The following FOXO3 variants were observed in gnomAD, a reference collection of about 807,000 sequenced individuals.
The protein encoded by FOXO3 is forkhead box protein O3.
FOXO3 carries 4 observed loss-of-function variants against 41.9 expected under a neutral mutation model. The observed-to-expected ratio is 0.10, with a 90% CI of 0.05 to 0.22. The LOEUF (loss-of-function observed/expected upper bound fraction) is 0.22. FOXO3 is among the 10% of genes least tolerant of loss of function. FOXO3 has a pLI of 1.00. For missense variants in FOXO3, 534 were observed against 906.8 expected, an observed-to-expected ratio of 0.59 and a Z score of 5.28; for synonymous variants, 318 against 389.3, an observed-to-expected ratio of 0.82 and a Z score of 2.16.
chr6:108,574,018 TG>T (rs1460356620), intron 1 of FOXO3, among the ~76,000 whole-genome samples: 6 of 151,896 alleles, frequency 4.0e-5, no homozygotes, highest in Non-Finnish European at 8.8e-5. Context: ...CTGGGCGTGG[TG>T]GCACATGCCT....
intron 1 of FOXO3, among the ~76,000 whole-genome samples, chr6:108,599,492 C>T (rs188172734): frequency 7.3e-4 from 111 of 152,340 alleles, no homozygotes; most frequent in Non-Finnish European, 1.3e-3. Flanking sequence ...AATGACCCCT[C>T]ACTTAGTATG....
intron 1 of FOXO3, among the ~76,000 whole-genome samples, chr6:108,574,848 T>C (rs908779131): frequency 6.6e-6 from 1 of 152,188 alleles, no homozygotes; most frequent in African/African-American, 2.4e-5. Context: ...TGGAAAAAAA[T>C]TACAGAACTC....
intron 1 of FOXO3, among the ~76,000 whole-genome samples, chr6:108,569,053 T>C (rs1204375616): frequency 6.6e-6 from 1 of 152,240 alleles, no homozygotes; most frequent in Non-Finnish European, 1.5e-5. Flanking sequence ...TTACTCACTT[T>C]TAGGAACAAA....
intron 2 of FOXO3, among the ~76,000 whole-genome samples, chr6:108,676,656 A>G (rs1313004292): frequency 6.6e-6 from 1 of 152,262 alleles, no homozygotes; most frequent in Non-Finnish European, 1.5e-5. Flanking sequence ...TAAGAATGAC[A>G]TGAGCTTTCT....
chr6:108,599,143 C>A (rs1009693251), intron 1 of FOXO3, among the ~76,000 whole-genome samples: 4 of 152,152 alleles, frequency 2.6e-5, no homozygotes, highest in African/African-American at 9.7e-5. Context: ...CTTCCTTTCA[C>A]TCTGTTATTA....
chr6:108,645,962 A>T (rs1427327718), intron 1 of FOXO3, among the ~76,000 whole-genome samples: 1 of 152,226 alleles, frequency 6.6e-6, no homozygotes, highest in East Asian at 1.9e-4. Context: ...AGGTAGGATT[A>T]GGTTTGGCTA....
At chr6:108,585,963 C>T (rs1776569902) in intron 1 of FOXO3, among the ~76,000 whole-genome samples, 1 of 152,180 alleles carries the variant, frequency 6.6e-6, no homozygotes, top group African/African-American at 2.4e-5. Context: ...CTAAGGTCGG[C>T]TTCTACCACA....
intron 1 of FOXO3, among the ~76,000 whole-genome samples, chr6:108,634,684 G>A (rs1778070445): frequency 6.6e-6 from 1 of 152,130 alleles, no homozygotes. Context: ...AGGGGAATGA[G>A]TGGGTAGGGG....
chr6:108,601,149 A>G (rs1251735506), intron 1 of FOXO3, among the ~76,000 whole-genome samples: 2 of 151,766 alleles, frequency 1.3e-5, no homozygotes, highest in Non-Finnish European at 2.9e-5. Flanking sequence ...GTGGGACTAC[A>G]GGCACCTGCC....
intron 1 of FOXO3, among the ~76,000 whole-genome samples, chr6:108,596,627 A>G (rs1776895039): frequency 6.6e-6 from 1 of 152,202 alleles, no homozygotes; most frequent in Non-Finnish European, 1.5e-5. Context: ...TGGAAGGTAA[A>G]TAAATGTGTA....
intron 1 of FOXO3, among the ~76,000 whole-genome samples, chr6:108,606,569 C>T (rs1242857192): frequency 1.3e-5 from 2 of 152,168 alleles, no homozygotes; most frequent in African/African-American, 2.4e-5. Context: ...GGCTTATCTA[C>T]AGGAGACTGC....
chr6:108,595,113 C>T (rs1486189988), intron 1 of FOXO3, among the ~76,000 whole-genome samples: 3 of 152,182 alleles, frequency 2.0e-5, no homozygotes, highest in Non-Finnish European at 2.9e-5. Context: ...GACTTCTACT[C>T]TTTCTGCTCC....
intron 2 of FOXO3, among the ~76,000 whole-genome samples, chr6:108,675,077 C>T (rs1237181795): frequency 1.1e-4 from 16 of 152,052 alleles, no homozygotes; most frequent in Admixed American, 9.8e-4. Flanking sequence ...ATAATCCCTG[C>T]CTCAACATAA....
At chr6:108,672,461 C>T (rs1271034883) in intron 2 of FOXO3, among the ~76,000 whole-genome samples, 1 of 152,224 alleles carries the variant, frequency 6.6e-6, no homozygotes, top group African/African-American at 2.4e-5. Context: ...CCTGTAGAGC[C>T]ACTGGACACT....
chr6:108,588,649 C>T (rs1344308715), intron 1 of FOXO3, among the ~76,000 whole-genome samples: 1 of 152,218 alleles, frequency 6.6e-6, no homozygotes, highest in Non-Finnish European at 1.5e-5. Context: ...AATATCAAGA[C>T]ACACTAAACT....
At chr6:108,603,585 A>G (rs1481443839) in intron 1 of FOXO3, among the ~76,000 whole-genome samples, 2 of 152,182 alleles carry the variant, frequency 1.3e-5, no homozygotes, top group Non-Finnish European at 2.9e-5. Flanking sequence ...TGGCCTAGGA[A>G]AGAAAATACA....
chr6:108,569,859 G>T (rs1039068854), intron 1 of FOXO3, among the ~76,000 whole-genome samples: 1 of 152,090 alleles, frequency 6.6e-6, no homozygotes, highest in Non-Finnish European at 1.5e-5. Flanking sequence ...CTTCCTTCTG[G>T]AGTGAACCTA....
chr6:108,654,301 GAAA>G (rs57979267), intron 1 of FOXO3, among the ~76,000 whole-genome samples: 3,165 of 152,036 alleles, frequency 0.021, 107 homozygotes, highest in African/African-American at 0.07. Flanking sequence ...ATTACTAAAA[GAAA>G]AAATAATAAT....
intron 1 of FOXO3, among the ~76,000 whole-genome samples, chr6:108,662,652 G>A (rs1009152001): frequency 5.3e-5 from 8 of 152,170 alleles, no homozygotes; most frequent in African/African-American, 1.9e-4. Context: ...TTAAGAAAAG[G>A]TAGACGTTGT....
Sources: gnomAD v4.1 joint callset for allele counts (sites outside exome capture counted in the v4.1 genomes callset) on GRCh38, gnomAD v4.1.1 for gene constraint, MANE v1.5 for transcripts, NCBI Gene and HGNC (gene_info 2026-07-23, HGNC 2026-07-21) for gene names.